The following SVEP1 variants were observed in gnomAD, a reference collection of about 807,000 sequenced individuals.
The protein encoded by SVEP1 is sushi, von Willebrand factor type A, EGF and pentraxin domain containing 1.
A neutral mutation model predicts 367.3 loss-of-function variants in SVEP1; 164 were observed. The ratio of observed to expected loss-of-function variants is 0.45; its 90% CI spans 0.39 to 0.51. The LOEUF is 0.51. SVEP1 is among the 20% of genes least tolerant of loss of function. SVEP1 has a pLI of 0.00. For synonymous variants in SVEP1, 1,666 were observed against 1,611.6 expected (o/e 1.03, Z -0.81); for missense variants, 4,117 against 4,425.3 (o/e 0.93, Z 1.98).
At chr9:110,376,761 T>C (rs956059189) in intron 45 of SVEP1, 1 of 152,296 alleles carries the variant, frequency 6.6e-6, no homozygotes, top group Admixed American at 6.5e-5. Context: ...AAATTGTTTC[T>C]ATAAGGATCA....
chr9:110,458,620 A>G (rs1828812424), intron 19 of SVEP1, 58 bp from the exon 20 acceptor site: 4 of 1,458,906 alleles, frequency 2.7e-6, no homozygotes, highest in East Asian at 2.4e-5. Context: ...AGTGGACTAT[A>G]TCTAACACTA....
At chr9:110,510,685 T>C (rs1459228508) in intron 5 of SVEP1, among the ~76,000 whole-genome samples, 1 of 152,202 alleles carries the variant, frequency 6.6e-6, no homozygotes, top group African/African-American at 2.4e-5. Flanking sequence ...GACCTTATCC[T>C]GAAAGGGCAG....
chr9:110,503,155 T>C lies in SVEP1; in HGVS notation c.1366A>G (p.Met456Val), dbSNP rs1460178255. Residue 456 changes from methionine (M) to valine (V), a missense_variant, in exon 6 of 48, where the codon ATG becomes GTG. Met to Val is a conservative substitution (Grantham distance 21). Transcript: ENST00000374469. ...HGHISCSTRE[M>V]LYKTTCLVAC... ...ACCAAACATGTTGTCTTATATAACA[T>C]TTCCCTTGTAGAACAGCTGATGTGG... 8 of 1,613,818 alleles carry C rather than the reference T, an allele frequency of 5.0e-6. No individual in the cohort carries two copies. Among genetic ancestry groups the C allele is most frequent in the African/African-American group, 1.3e-5 (1 of 74,940 alleles).
At position 110,514,051 on chromosome 9, in the gene SVEP1, G is replaced by A. The variant is rs1829762137; in HGVS notation, c.1020C>T (p.Cys340=). ...PEGSPGGISS[C]IPCPDENHTS... is the part of the protein sequence containing the mutation. ...TGTGATTTTCATCAGGACATGGAAT[G>A]CAACTGCTGATTCCTCCTGGTGAGC... Residue 340 remains cysteine (C), a synonymous_variant, in exon 4 of 48, where the codon TGC becomes TGT. Transcript: ENST00000374469. The A allele has an allele frequency of 1.2e-6, 2 of 1,611,840 alleles. No homozygotes were observed. Among genetic ancestry groups the A allele is most frequent in the South Asian group, 2.2e-5 (2 of 90,332 alleles).
rs751541603 is a variant in SVEP1, at chr9:110,513,964, A to G, written c.1107T>C (p.Ser369=). 1.5e-5 allele frequency: 24 copies of G among 1,613,074 alleles called. No individual in the cohort carries two copies. The African/African-American group carries it at 2.8e-4, about 19-fold the overall frequency. Residue 369 remains serine, a synonymous_variant, in exon 4 of 48, where the codon TCT becomes TCC. Transcript: ENST00000374469. ...GAGACTCACGTTCACAGGTCTGGCC[A>G]GATGCCCTGTATCCCTCTCTGCAGA... ...DCVCREGYRA[S]GQTCELVHCP...
chr9:110,435,331 G>T lies in SVEP1; in HGVS notation c.4798C>A (p.Leu1600Ile). 2 of 1,613,582 alleles carry T rather than the reference G, an allele frequency of 1.2e-6. No individual in the cohort carries two copies. Among genetic ancestry groups the T allele is most frequent in the Non-Finnish European group, 1.7e-6 (2 of 1,179,574 alleles). ...CATGCTAACACGTTTCCTTTACTGAGTTCCTCTGGGCAGGAGGTAGCCAGT... is the reference window on the plus strand; with the variant it reads ...CATGCTAACACGTTTCCTTTACTGATTTCCTCTGGGCAGGAGGTAGCCAGT... ...KSLATSCPEE[L>I]SKGNVLAWPD... Residue 1600 changes from leucine (L) to isoleucine (I), a missense_variant, in exon 29 of 48, where the codon CTC (leucine) becomes ATC (isoleucine). Physicochemically the swap from Leu to Ile is conservative, Grantham distance 5. Coordinates refer to ENST00000374469, the MANE Select transcript of SVEP1 (RefSeq NM_153366.4).
At position 110,408,278 on chromosome 9, in the gene SVEP1, G is replaced by A. The variant is rs2118495776; in HGVS notation, c.7322C>T (p.Pro2441Leu). The change falls in exon 38 of 48, where the codon CCC becomes CTC. Residue 2441 changes from proline (P) to leucine (L), a missense_variant. Transcript: ENST00000374469. Reference sequence around the variant, plus strand: ...TCCATTGGGGATTTCCTCAGGTTGGGGACATTCTACTGGAACACATTCTGG... The same window carrying A: ...TCCATTGGGGATTTCCTCAGGTTGGAGACATTCTACTGGAACACATTCTGG... Reference protein sequence around the residue: ...PLPECVPVECPQPEEIPNGII... With the variant: ...PLPECVPVECLQPEEIPNGII... 3 of 1,613,972 alleles carry A rather than the reference G, an allele frequency of 1.9e-6. No homozygotes were observed. Among genetic ancestry groups the A allele is most frequent in the Non-Finnish European group, 2.5e-6 (3 of 1,179,878 alleles).
chr9:110,441,791 G>C (rs1298204787), intron 27 of SVEP1, among the ~76,000 whole-genome samples: 1 of 152,106 alleles, frequency 6.6e-6, no homozygotes, highest in Non-Finnish European at 1.5e-5. Flanking sequence ...TGTTGTTTAG[G>C]AATTTTCACA....
chr9:110,512,982 C>G lies in SVEP1; in HGVS notation c.1247G>C (p.Ser416Thr). The G allele has an allele frequency of 6.2e-7, 1 of 1,614,006 alleles. No homozygotes were observed. The highest frequency in any genetic ancestry group is 8.5e-7 in the Non-Finnish European group (1 of 1,179,882). ...CHPGFDLVGS[S>T]IILCLPNGLW... Reference sequence around the variant, plus strand: ...ACCATTGGGTAGACATAAGATGATGCTGCTTCCCACAAGATCAAATCCAGG... The same window carrying G: ...ACCATTGGGTAGACATAAGATGATGGTGCTTCCCACAAGATCAAATCCAGG... The change falls in exon 5 of 48, where the codon AGC (serine) becomes ACC (threonine). Residue 416 changes from serine to threonine, a missense_variant. Coordinates refer to ENST00000374469, the MANE Select transcript of SVEP1 (RefSeq NM_153366.4).
intron 5 of SVEP1, among the ~76,000 whole-genome samples, chr9:110,509,705 G>C (rs984204698): frequency 3.9e-5 from 6 of 151,970 alleles, no homozygotes; most frequent in African/African-American, 1.5e-4. Flanking sequence ...GACAGAAGCA[G>C]GTCATCAATG....
Position 110,482,349 on chromosome 9 carries a change from T to A in SVEP1, c.2170+12A>T, listed in dbSNP as rs1829204729. ...TGTCAACTAGAATTCTGGGGACTTATGAAGACAATACCTTTTATGACAATA... is the reference window on the plus strand; with the variant it reads ...TGTCAACTAGAATTCTGGGGACTTAAGAAGACAATACCTTTTATGACAATA... On this transcript the variant is annotated intron_variant, in intron 11 of 47. Transcript: ENST00000374469. 1 of 1,608,450 alleles carries A rather than the reference T, an allele frequency of 6.2e-7. No homozygotes were observed. The highest frequency in any genetic ancestry group is 1.1e-5 in the South Asian group (1 of 90,130).
At chr9:110,485,470 A>G (rs1300267962) in intron 9 of SVEP1, among the ~76,000 whole-genome samples, 2 of 152,136 alleles carry the variant, frequency 1.3e-5, no homozygotes, top group Non-Finnish European at 2.9e-5. Context: ...ATAAACAGCT[A>G]ATTCATGCAG....
chr9:110,482,273 A>G (rs1829203232), intron 11 of SVEP1, 88 bp downstream of exon 11: 1 of 1,364,936 alleles, frequency 7.3e-7, no homozygotes, highest in South Asian at 2.0e-5. Context: ...TAATGCTCAT[A>G]GCCTATTTTC....
At chr9:110,544,490 TA>T (rs1436721850) in intron 3 of SVEP1, among the ~76,000 whole-genome samples, 5 of 152,320 alleles carry the variant, frequency 3.3e-5, no homozygotes, top group Admixed American at 6.5e-5. Context: ...TCGATTTTCT[TA>T]AAATATAATG....
Position 110,549,835 on chromosome 9 carries a change from T to C in SVEP1, c.787+14A>G, listed in dbSNP as rs776739347. The C allele has an allele frequency of 1.2e-6, 2 of 1,612,782 alleles. No homozygotes were observed. Among genetic ancestry groups the C allele is most frequent in the East Asian group, 4.5e-5 (2 of 44,844 alleles). ...TTTAAAAGTACCTTTGTGATGCCAT[T>C]AGGTTTCCATTACCTTCATGCAATG... is the stretch of plus-strand genomic sequence containing the variant. On this transcript the variant is annotated intron_variant, in intron 2 of 47. Transcript: ENST00000374469.
intron 1 of SVEP1, among the ~76,000 whole-genome samples, chr9:110,565,742 C>T (rs944524313): frequency 1.1e-4 from 16 of 151,952 alleles, no homozygotes; most frequent in South Asian, 4.1e-4. Flanking sequence ...ACCTGCCTTC[C>T]GCTTGGTCAT....
intron 5 of SVEP1, among the ~76,000 whole-genome samples, chr9:110,505,104 A>C (rs1829603958): frequency 6.6e-6 from 1 of 152,182 alleles, no homozygotes; most frequent in Non-Finnish European, 1.5e-5. Flanking sequence ...AGTTATCCAG[A>C]GAAACCTGCA....
intron 26 of SVEP1, among the ~76,000 whole-genome samples, 187 bp downstream of exon 26, chr9:110,445,650 T>C (rs1219069217): frequency 6.6e-6 from 1 of 152,224 alleles, no homozygotes; most frequent in Non-Finnish European, 1.5e-5. Context: ...AATACATGTT[T>C]GAGGTATTAT....
At chr9:110,519,561 G>A (rs1269084803) in intron 3 of SVEP1, among the ~76,000 whole-genome samples, 1 of 152,124 alleles carries the variant, frequency 6.6e-6, no homozygotes, top group Admixed American at 6.5e-5. Flanking sequence ...CACACTCTTT[G>A]TAACACACAG....
Sources: allele counts gnomAD v4.1 joint callset (sites outside exome capture counted in the v4.1 genomes callset), GRCh38; gene constraint gnomAD v4.1.1; transcripts MANE v1.5; gene names NCBI Gene and HGNC (gene_info 2026-07-23, HGNC 2026-07-21).